HSPG2: variants seen among roughly 807,000 people sequenced by gnomAD.
HSPG2 encodes the protein basement membrane-specific heparan sulfate proteoglycan core protein.
Under a neutral mutation model 526.6 loss-of-function variants are expected in HSPG2, and 278 were observed. The ratio of observed to expected loss-of-function variants is 0.53; its 90% CI spans 0.48 to 0.58. The LOEUF is 0.58. Among genes scored for constraint, HSPG2 ranks in the 20% least tolerant of loss-of-function variants. The probability of loss-of-function intolerance (pLI) is 0.00; values close to 1 mark genes in which losing one functional copy is unlikely to be tolerated. For missense variants in HSPG2, 5,354 were observed against 6,099.5 expected (o/e 0.88, Z 4.07); for synonymous variants, 2,465 against 2,555.4 (o/e 0.96, Z 1.07).
chr1:21,925,923 G>A (rs1378141182), intron 1 of HSPG2, among the ~76,000 whole-genome samples: 6 of 151,342 alleles, frequency 4.0e-5, no homozygotes, highest in South Asian at 2.1e-4. Context: ...TCCGCCTCCC[G>A]GGTTGAAGCA....
chr1:21,823,562 G>C, intron 96 of HSPG2, 54 bp downstream of exon 96: 1 of 1,609,426 alleles, frequency 6.2e-7, no homozygotes, highest in Non-Finnish European at 8.5e-7. Context: ...GCGAGCTCTA[G>C]CCCTAAGGGA....
At chr1:21,935,898 G>T (rs1337874511) in intron 1 of HSPG2, among the ~76,000 whole-genome samples, 1 of 152,122 alleles carries the variant, frequency 6.6e-6, no homozygotes, top group Admixed American at 6.6e-5. Context: ...GAGTGGGGAT[G>T]GGGGAGGAGA....
At chr1:21,933,025 C>T (rs1448858336) in intron 1 of HSPG2, among the ~76,000 whole-genome samples, 3 of 151,962 alleles carry the variant, frequency 2.0e-5, no homozygotes, top group Admixed American at 6.5e-5. Context: ...TCGAGACCTG[C>T]CTGGGGGAAC....
At chr1:21,888,471 C>T (rs931216250) in intron 6 of HSPG2, among the ~76,000 whole-genome samples, 7 of 152,166 alleles carry the variant, frequency 4.6e-5, no homozygotes, top group Non-Finnish European at 8.8e-5. Flanking sequence ...TTTTTTCTCT[C>T]TTCTTTTTTA....
intron 1 of HSPG2, among the ~76,000 whole-genome samples, chr1:21,933,936 G>C (rs1209539448): frequency 6.6e-6 from 1 of 152,228 alleles, no homozygotes; most frequent in African/African-American, 2.4e-5. Context: ...AGGAAATCCA[G>C]CTGAGGCAGG....
Position 21,865,628 on chromosome 1 carries a change from G to A in HSPG2, c.4314+89C>T. 1.7e-6 allele frequency: 2 copies of A among 1,147,734 alleles called. No individual in the cohort carries two copies. The highest frequency in any genetic ancestry group is 2.4e-4 in the Middle Eastern group (1 of 4,150). The allele number at this position is 1,147,734 out of a possible 1,614,324, so 71.1% of individuals were successfully genotyped here. On this transcript the variant is annotated intron_variant, in intron 34 of 96. Transcript: ENST00000374695. The surrounding 1 kb of genome is among the most constrained non-coding windows in gnomAD (Gnocchi z 5.4). ...AGCCTGTGCCAGAAAACTGAGTGCTGGATGGAAAGGACAAAGGACAAATGC... is the reference window on the plus strand; with the variant it reads ...AGCCTGTGCCAGAAAACTGAGTGCTAGATGGAAAGGACAAAGGACAAATGC...
Position 21,850,414 on chromosome 1 carries a change from GC to G in HSPG2, c.7242del (p.Pro2415LeufsTer2). The G allele has an allele frequency of 1.2e-6, 2 of 1,611,694 alleles. No individual in the cohort carries two copies. The highest frequency in any genetic ancestry group is 1.7e-6 in the Non-Finnish European group (2 of 1,179,250). ...GTGACCAGGACAGAGGCCTCTAGAGGCACGGAGCTGCCCAACACTCGGCACA... is the reference window on the plus strand; with the variant it reads ...GTGACCAGGACAGAGGCCTCTAGAGGACGGAGCTGCCCAACACTCGGCACA... ...EYVCRVLGSS[V>X]PLEASVLVTI... On this transcript the variant is annotated frameshift_variant, in exon 56 of 97. Coordinates refer to ENST00000374695, the MANE Select transcript of HSPG2 (RefSeq NM_005529.7). LOFTEE classifies it high-confidence loss of function.
At chr1:21,846,086 G>A (rs751947724) in intron 64 of HSPG2, 22 bp downstream of exon 64, 22 of 1,611,460 alleles carry the variant, frequency 1.4e-5, no homozygotes, top group East Asian at 2.2e-5. Flanking sequence ...CGGCCTTCCC[G>A]TCCCACTGCA....
intron 29 of HSPG2, 40 bp downstream of exon 29, chr1:21,873,885 C>T (rs1185527524): frequency 3.3e-6 from 5 of 1,512,240 alleles, no homozygotes; most frequent in South Asian, 1.2e-5. Flanking sequence ...AGGGACACCC[C>T]CTGTGCGCAT....
At chr1:21,851,450 C>T in intron 55 of HSPG2, 96 bp downstream of exon 55, 2 of 1,580,012 alleles carry the variant, frequency 1.3e-6, no homozygotes, top group Non-Finnish European at 1.7e-6. Flanking sequence ...TCCAGGGCTT[C>T]CTGATCTCAG....
rs367579432 is a variant in HSPG2 at position 21,864,976 on chromosome 1, G to A, written c.4493C>T (p.Ser1498Phe). 3.0e-5 allele frequency: 47 copies of A among 1,592,752 alleles called. No homozygotes were observed. Among genetic ancestry groups the A allele is most frequent in the Admixed American group, 1.0e-4 (6 of 57,574 alleles). Reference protein sequence around the residue: ...LDELLIRATFSSVPLAASISA... With the variant: ...LDELLIRATFFSVPLAASISA... ...GATGCTGGCCGCCAGCGGCACGGAG[G>A]AGAACGTGGCCCGGATCAGGAGCTC... Residue 1498 changes from serine (S) to phenylalanine (F), a missense_variant, in exon 36 of 97, where the codon TCC (serine) becomes TTC (phenylalanine). Ser to Phe is a radical substitution (Grantham distance 155, BLOSUM62 -2). Coordinates refer to ENST00000374695, the MANE Select transcript of HSPG2 (RefSeq NM_005529.7). This position sits in a 1 kb window ranked among gnomAD's most constrained non-coding sequence, Gnocchi z 4.8.
At chr1:21,867,806 C>A (rs569993681) in intron 33 of HSPG2, among the ~76,000 whole-genome samples, 3 of 152,236 alleles carry the variant, frequency 2.0e-5, no homozygotes, top group South Asian at 4.1e-4. Context: ...TCTCAGCTCA[C>A]TGTAATCTCT....
At chr1:21,907,484 G>A (rs1040381803) in intron 1 of HSPG2, among the ~76,000 whole-genome samples, 44 of 152,070 alleles carry the variant, frequency 2.9e-4, no homozygotes, top group Non-Finnish European at 2.1e-4. Flanking sequence ...AGGTGGAAGC[G>A]GGGCACCGTT....
In HSPG2 at chr1:21,827,726, T is replaced by C. The variant is rs2097982633; in HGVS notation, c.12589+137A>G. On this transcript the variant is annotated intron_variant, in intron 91 of 96. Coordinates refer to ENST00000374695, the MANE Select transcript of HSPG2 (RefSeq NM_005529.7). ...GGCAGGCCCTAGCTCCACATGGCTG[T>C]GGTCTTCATTCTGTCTCTCTGCCCA... The C allele has an allele frequency of 1.8e-5, 17 of 965,174 alleles. No homozygotes were observed. In the South Asian group the frequency reaches 2.2e-4, roughly 13 times the overall value. 59.8% of individuals were successfully genotyped at this position (965,174 alleles called of 1,614,324 possible).
In HSPG2 at chr1:21,885,099, T is replaced by C. The variant is rs1572358654; in HGVS notation, c.1269A>G (p.Thr423=). Reference sequence around the variant, plus strand: ...CAATGGCCACGCAGGTGAAGGTCACTGTCTGGCCCCGGGAAGCCTGGATGG... The same window carrying C: ...CAATGGCCACGCAGGTGAAGGTCACCGTCTGGCCCCGGGAAGCCTGGATGG... ...RESIQASRGQ[T]VTFTCVAIGV... Residue 423 remains threonine, a synonymous_variant, in exon 11 of 97, where the codon ACA becomes ACG. Transcript: ENST00000374695. 1 of 1,613,500 alleles carries C rather than the reference T, an allele frequency of 6.2e-7. No individual in the cohort carries two copies. Among genetic ancestry groups the C allele is most frequent in the Non-Finnish European group, 8.5e-7 (1 of 1,179,866 alleles).
In HSPG2 at chr1:21,855,581, C is replaced by T. The variant is rs1186663858; in HGVS notation, c.5796G>A (p.Leu1932=). 5 of 1,594,536 alleles carry T rather than the reference C, an allele frequency of 3.1e-6. No homozygotes were observed. The part of the protein sequence containing the change: ...AVEPTDQAQY[L]CRAHSSAGQQ... The stretch of plus-strand genomic sequence containing the variant: ...GCCCAGCGCTGCTGTGGGCTCGGCA[C>T]AAGTACTGGGCCTGATCCGTGGGCT... The change falls in exon 46 of 97, where the codon TTG becomes TTA. Residue 1932 remains leucine (L), a synonymous_variant. Coordinates refer to ENST00000374695, the MANE Select transcript of HSPG2 (RefSeq NM_005529.7).
At chr1:21,892,862 C>A (rs374075992) in intron 3 of HSPG2, among the ~76,000 whole-genome samples, 292 of 103,836 alleles carry the variant, frequency 2.8e-3, no homozygotes, top group Non-Finnish European at 3.4e-3. Context: ...GACTCCATCT[C>A]AAAAAAAAAA....
chr1:21,930,492 G>C (rs1015636164), intron 1 of HSPG2, among the ~76,000 whole-genome samples: 2 of 152,354 alleles, frequency 1.3e-5, no homozygotes, highest in Non-Finnish European at 2.9e-5. Flanking sequence ...ATCTAGAACA[G>C]GGCGGGTGCA....
chr1:21,892,444 C>A (rs1034737650), intron 3 of HSPG2, among the ~76,000 whole-genome samples: 5 of 152,268 alleles, frequency 3.3e-5, no homozygotes, highest in Non-Finnish European at 5.9e-5. Flanking sequence ...CTGGGAAGGG[C>A]ACAGGCCCTT....
Sources: gnomAD v4.1 joint callset for allele counts (sites outside exome capture counted in the v4.1 genomes callset) on GRCh38, gnomAD v4.1.1 for gene constraint, Gnocchi (gnomAD v3.1) non-coding constraint, MANE v1.5 for transcripts, NCBI Gene and HGNC (gene_info 2026-07-23, HGNC 2026-07-21) for gene names.